DPP6: variants seen among roughly 807,000 people sequenced by gnomAD.
The protein encoded by DPP6 is dipeptidyl peptidase like 6, also known as A-type potassium channel modulatory protein DPP6.
In DPP6, 69 loss-of-function variants were observed where a neutral mutation model predicts 122.6. The ratio of observed to expected loss-of-function variants is 0.56; its 90% CI spans 0.46 to 0.69. The LOEUF is 0.69. Among genes scored for constraint, DPP6 ranks in the 30% least tolerant of loss-of-function variants. The pLI, the probability that DPP6 is intolerant of heterozygous loss-of-function variation, is 0.00. For synonymous variants in DPP6, 418 were observed against 433.1 expected, an observed-to-expected ratio of 0.97 and a Z score of 0.43; for missense variants, 928 against 1,116.9, an observed-to-expected ratio of 0.83 and a Z score of 2.41.
At chr7:154,706,707 A>G (rs1840850579) in intron 7 of DPP6, among the ~76,000 whole-genome samples, 3 of 152,238 alleles carry the variant, frequency 2.0e-5, no homozygotes, top group African/African-American at 7.2e-5. Context: ...AACACGTACT[A>G]TCAAATGCTT....
Position 154,023,318 on chromosome 7 carries a change from G to GCACGCACACGCACA in DPP6, c.51+135587_51+135588insGCACACGCACACAC, listed in dbSNP as rs373378162. On this transcript the variant is annotated intron_variant, in intron 1 of 25. Transcript: ENST00000404039. ...CAGGCTCTGGAAATGTTTCTTGTCTGCACACACACACACACACACACACAC... is the reference window on the plus strand; with the variant it reads ...CAGGCTCTGGAAATGTTTCTTGTCTGCACGCACACGCACACACACACACACACACACACACACAC... Among the ~76,000 whole-genome samples the GCACGCACACGCACA allele has an allele frequency of 1.5e-3, 189 of 129,616 alleles. 2 individuals are homozygous for GCACGCACACGCACA. Among genetic ancestry groups the GCACGCACACGCACA allele is most frequent in the South Asian group, 7.8e-3 (29 of 3,722 alleles). The allele number at this position is 129,616 out of a possible 152,430, so 85.0% of individuals were successfully genotyped here. A position where few individuals can be genotyped will look rare whatever the true frequency, so the allele number is the denominator to read the frequency against.
chr7:154,075,357 G>A (rs1227663678), intron 1 of DPP6, among the ~76,000 whole-genome samples: 9 of 151,662 alleles, frequency 5.9e-5, no homozygotes, highest in African/African-American at 1.2e-4. Context: ...ACACTTGCAC[G>A]CACGCCTATA....
the DPP6 span, among the ~76,000 whole-genome samples, chr7:153,845,681 C>A: frequency 1.3e-5 from 2 of 152,000 alleles, no homozygotes; most frequent in East Asian, 1.9e-4. Flanking sequence ...CTTTATAAAC[C>A]AAATCATTTT....
chr7:153,958,530 C>T (rs1271503125), intron 1 of DPP6, among the ~76,000 whole-genome samples: 1 of 152,222 alleles, frequency 6.6e-6, no homozygotes, highest in Non-Finnish European at 1.5e-5. Flanking sequence ...CTCACCCTAG[C>T]CCCAGCTACA....
intron 2 of DPP6, among the ~76,000 whole-genome samples, chr7:154,450,797 G>T (rs987108477): frequency 6.6e-6 from 1 of 152,190 alleles, no homozygotes; most frequent in Admixed American, 6.5e-5. Context: ...CACAGCTGGG[G>T]ACTTTAACCA....
At chr7:154,609,607 T>C (rs946812243) in intron 5 of DPP6, among the ~76,000 whole-genome samples, 7 of 152,138 alleles carry the variant, frequency 4.6e-5, no homozygotes, top group African/African-American at 1.4e-4. Context: ...ACATATACTT[T>C]TACACATGCA....
chr7:154,002,187 A>C (rs184987630), intron 1 of DPP6, among the ~76,000 whole-genome samples: 215 of 152,264 alleles, frequency 1.4e-3, no homozygotes, highest in African/African-American at 5.1e-3. Context: ...AATCACATTT[A>C]GCACAGTGCA....
chr7:153,786,740 GAAAA>G, the DPP6 span, among the ~76,000 whole-genome samples: 27 of 31,790 alleles, frequency 8.5e-4, no homozygotes, highest in African/African-American at 1.3e-3. Context: ...CTCCGTCTCA[GAAAA>G]AAAAAAAAAA....
At chr7:154,611,995 A>G (rs1833939660) in intron 5 of DPP6, among the ~76,000 whole-genome samples, 1 of 152,188 alleles carries the variant, frequency 6.6e-6, no homozygotes, top group South Asian at 2.1e-4. Context: ...TTTAATCTCC[A>G]CTGCAATAGT....
At chr7:153,872,212 A>G in the DPP6 span, among the ~76,000 whole-genome samples, 4 of 152,248 alleles carry the variant, frequency 2.6e-5, no homozygotes, top group African/African-American at 7.2e-5. Context: ...ATGCAAATTC[A>G]TAGGCCTGAA....
chr7:153,758,335 C>T, the DPP6 span, among the ~76,000 whole-genome samples: 109 of 152,328 alleles, frequency 7.2e-4, 1 homozygote, highest in East Asian at 0.02. Context: ...ATTGCAAACA[C>T]TGGATACCAT....
chr7:154,559,907 T>TA (rs201282904), intron 4 of DPP6, among the ~76,000 whole-genome samples: 2 of 148,050 alleles, frequency 1.4e-5, no homozygotes, highest in South Asian at 2.1e-4. Context: ...CTTTTTCTCT[T>TA]AAAAAAAATA....
intron 1 of DPP6, among the ~76,000 whole-genome samples, chr7:154,268,462 C>T (rs1803577935): frequency 6.6e-6 from 1 of 152,168 alleles, no homozygotes. Context: ...AGGTCTCCCT[C>T]TGGGATTTCC....
intron 1 of DPP6, among the ~76,000 whole-genome samples, chr7:153,934,340 CTT>C (rs541968522): frequency 6.7e-6 from 1 of 149,130 alleles, no homozygotes; most frequent in Admixed American, 6.7e-5. Flanking sequence ...GCCCCTTCTC[CTT>C]TTTTTTTTCC....
chr7:154,790,987 C>T (rs1797639282), intron 10 of DPP6, among the ~76,000 whole-genome samples: 1 of 152,086 alleles, frequency 6.6e-6, no homozygotes, highest in Admixed American at 6.6e-5. Context: ...CACGGTGGTC[C>T]ATGCCTGTAG....
intron 1 of DPP6, among the ~76,000 whole-genome samples, chr7:153,961,178 G>T (rs1380540903): frequency 1.4e-5 from 2 of 144,136 alleles, no homozygotes; most frequent in Non-Finnish European, 3.0e-5. Flanking sequence ...TAAGAACAAT[G>T]GTGTTTGGCA....
At chr7:154,575,353 G>GGT (rs1381929644) in intron 5 of DPP6, among the ~76,000 whole-genome samples, 18,913 of 61,862 alleles carry the variant, frequency 0.31, 2,752 homozygotes, top group East Asian at 0.79. Flanking sequence ...ATGTGTGTGT[G>GGT]GTGTGTGTGT....
chr7:154,219,838 C>A (rs1041271321), intron 1 of DPP6, among the ~76,000 whole-genome samples: 1 of 152,160 alleles, frequency 6.6e-6, no homozygotes, highest in African/African-American at 2.4e-5. Flanking sequence ...CTGCCTGCCT[C>A]GGCCTCCCAA....
chr7:154,617,886 C>T (rs775653366), intron 5 of DPP6, among the ~76,000 whole-genome samples: 32 of 152,174 alleles, frequency 2.1e-4, no homozygotes, highest in Middle Eastern at 3.4e-3. Flanking sequence ...CATCGGGAGG[C>T]GTCGTGCTTT....
Sources: allele counts gnomAD v4.1 joint callset (sites outside exome capture counted in the v4.1 genomes callset), GRCh38; gene constraint gnomAD v4.1.1; transcripts MANE v1.5; gene names NCBI Gene and HGNC (gene_info 2026-07-23, HGNC 2026-07-21).